Variants in PLK2 observed in about 807,000 individuals in gnomAD.
PLK2 encodes the protein serine/threonine-protein kinase PLK2.
A neutral mutation model predicts 78.1 loss-of-function variants in PLK2; 25 were observed. The ratio of observed to expected loss-of-function variants is 0.32; its 90% CI spans 0.23 to 0.45. The LOEUF (loss-of-function observed/expected upper bound fraction) is 0.45. Ranked by LOEUF, PLK2 falls within the 20% of genes least tolerant of loss-of-function variation. The pLI, the probability that PLK2 is intolerant of heterozygous loss-of-function variation, is 1.00. For missense variants in PLK2, 566 were observed against 840.2 expected, an observed-to-expected ratio of 0.67 and a Z score of 4.04; for synonymous variants, 332 against 298.2, an observed-to-expected ratio of 1.11 and a Z score of -1.17.
rs1743552061 is a variant in PLK2 at position 58,454,725 on chromosome 5, T to G, written c.1916A>C (p.Glu639Ala). 1 of 1,613,128 alleles carries G rather than the reference T, an allele frequency of 6.2e-7. No homozygotes were observed. Among genetic ancestry groups the G allele is most frequent in the African/African-American group, 1.3e-5 (1 of 75,038 alleles). The change falls in exon 14 of 14, where the codon GAA becomes GCA. Residue 639 changes from glutamate to alanine, a missense_variant. Physicochemically the swap from Glu to Ala is moderately radical, Grantham distance 107. Around this residue, in one of 5 missense-constraint regions of PLK2, gnomAD observed 130 missense variants for 196.4 expected, o/e 0.66. Transcript: ENST00000274289. The part of the protein sequence containing the change: ...HTKIIICSQN[E>A]EYLLTYINED... ...ATTGATGTAGGTGAGAAGGTATTCTTCATTTTGGCTACAGATGATGATTTT... is the reference window on the plus strand; with the variant it reads ...ATTGATGTAGGTGAGAAGGTATTCTGCATTTTGGCTACAGATGATGATTTT...
At chr5:58,456,300 T>C in intron 9 of PLK2, 145 bp from the exon 10 acceptor site, 1 of 832,150 alleles carries the variant, frequency 1.2e-6, no homozygotes, top group Non-Finnish European at 1.9e-6. Context: ...GATAACGCAG[T>C]AAACTCACTT....
chr5:58,458,600 A>G lies in PLK2; in HGVS notation c.496-72T>C, dbSNP rs967666234. 2.7e-6 allele frequency: 4 copies of G among 1,471,438 alleles called. No individual in the cohort carries two copies. The African/African-American group carries it at 5.6e-5, about 21-fold the overall frequency. 91.1% of individuals were successfully genotyped at this position (1,471,438 alleles called of 1,614,324 possible). On this transcript the variant is annotated intron_variant, in intron 3 of 13. Transcript: ENST00000274289. ...AAAATCACTGGTTTCCCTTTGCAGG[A>G]TGAGCAATGAAAGTTAACTTTGCAG... is the stretch of plus-strand genomic sequence containing the variant.
intron 8 of PLK2, 66 bp from the exon 9 acceptor site, chr5:58,456,655 A>G (rs1267200868): frequency 1.1e-5 from 11 of 1,038,640 alleles, no homozygotes; most frequent in Non-Finnish European, 1.6e-5. Flanking sequence ...AGGGTTAGTC[A>G]TATTTTCTCC....
At position 58,459,908 on chromosome 5, in the gene PLK2, A is replaced by G; in HGVS notation, c.52T>C (p.Cys18Arg). ...CAACCCTTGCCCAGCGCCTGCTCGC[A>G]CATTTTGGTGCTGGCGGCTGGCTGG... ...TYQPAASTKM[C>R]EQALGKGCGA... The change falls in exon 1 of 14, where the codon TGC becomes CGC. Residue 18 changes from cysteine to arginine, a missense_variant. Cys to Arg is a radical substitution (Grantham distance 180, BLOSUM62 -3). Transcript: ENST00000274289. The G allele has an allele frequency of 6.2e-7, 1 of 1,612,218 alleles. No homozygotes were observed. Among genetic ancestry groups the G allele is most frequent in the South Asian group, 1.1e-5 (1 of 91,038 alleles).
chr5:58,455,472 A>G (rs1200504935), intron 11 of PLK2, 58 bp from the exon 12 acceptor site: 27 of 1,610,918 alleles, frequency 1.7e-5, no homozygotes, highest in Middle Eastern at 1.6e-4. Context: ...GCAGTTAATC[A>G]TTGTTTTTAG....
intron 9 of PLK2, 160 bp downstream of exon 9, chr5:58,456,332 G>C (rs1465830290): frequency 1.0e-5 from 8 of 767,722 alleles, no homozygotes; most frequent in African/African-American, 1.8e-5. Flanking sequence ...AAAACTAAAA[G>C]ACTTCCTTTT....
rs1339458902 is a variant in PLK2, at chr5:58,457,166, A to G, written c.1008+15T>C. 6.2e-7 allele frequency: 1 copy of G among 1,611,522 alleles called. No homozygotes were observed. The highest frequency in any genetic ancestry group is 1.3e-5 in the African/African-American group (1 of 74,862). On this transcript the variant is annotated intron_variant, in intron 7 of 13. Transcript: ENST00000274289. ...TCAATACCAGGTAATTAAAAAAAAA[A>G]GATAGTGCACCAACCTGCAAAAAAA...
In PLK2 at chr5:58,458,850, A is replaced by G; in HGVS notation, c.379-9T>C. On this transcript the variant is annotated splice_polypyrimidine_tract_variant and intron_variant, in intron 2 of 13. Coordinates refer to ENST00000274289, the MANE Select transcript of PLK2 (RefSeq NM_006622.4). ...TCTATTTCTTTGTCAATCTAAATGA[A>G]AAAGCAAGGTAAGGCTTATTAGCTT... The G allele has an allele frequency of 6.5e-7, 1 of 1,533,812 alleles. No homozygotes were observed. The highest frequency in any genetic ancestry group is 9.0e-7 in the Non-Finnish European group (1 of 1,107,456).
In PLK2 at chr5:58,454,815, C is replaced by T. The variant is rs764960545; in HGVS notation, c.1867-41G>A. On this transcript the variant is annotated intron_variant, in intron 13 of 13. Coordinates refer to ENST00000274289, the MANE Select transcript of PLK2 (RefSeq NM_006622.4). ...TAGACATTAGATCTCTCAAAATATT[C>T]GAGAATTAGAAAAGTTCAGTCAATC... 30 of 1,525,338 alleles carry T rather than the reference C, an allele frequency of 2.0e-5. No individual in the cohort carries two copies. The South Asian group carries it at 2.6e-4, about 13-fold the overall frequency. The allele number at this position is 1,525,338 out of a possible 1,614,324, so 94.5% of individuals were successfully genotyped here. A position where few individuals can be genotyped will look rare whatever the true frequency, so the allele number is the denominator to read the frequency against.
At chr5:58,456,796 G>T in intron 8 of PLK2, 149 bp downstream of exon 8, 2 of 633,824 alleles carry the variant, frequency 3.2e-6, no homozygotes, top group Non-Finnish European at 2.7e-6. Context: ...CACAATTCAA[G>T]GTATGGATTT....
At chr5:58,459,454 T>C (rs1561217459) in intron 1 of PLK2, 2 of 568,638 alleles carry the variant, frequency 3.5e-6, no homozygotes, top group East Asian at 2.9e-5. Flanking sequence ...AGACTCAAGA[T>C]GCATTTCTCT....
intron 3 of PLK2, 90 bp downstream of exon 3, chr5:58,458,635 T>A: frequency 7.8e-7 from 1 of 1,285,300 alleles, no homozygotes; most frequent in Non-Finnish European, 1.1e-6. Context: ...GTGTAAGTGC[T>A]GCCACAGCTA....
rs756357174 is a variant in PLK2 at position 58,456,930 on chromosome 5, G to C, written c.1156+15C>G. On this transcript the variant is annotated intron_variant, in intron 8 of 13. Transcript: ENST00000274289. ...TATTGGGTACGAAAAAGGAAAAGAA[G>C]TCTTGTTAACTTACTATGTGTGTCA... The C allele has an allele frequency of 2.0e-6, 3 of 1,526,894 alleles. No individual in the cohort carries two copies. Among genetic ancestry groups the C allele is most frequent in the South Asian group, 2.5e-5 (2 of 81,626 alleles). 94.6% of individuals were successfully genotyped at this position (1,526,894 alleles called of 1,614,324 possible).
rs535887449 is a variant in PLK2 at position 58,454,075 on chromosome 5, T to C, written c.*508A>G. The C allele has an allele frequency of 2.6e-5, 4 of 152,832 alleles. No homozygotes were observed. Among genetic ancestry groups the C allele is most frequent in the Admixed American group, 2.0e-4 (3 of 15,306 alleles). 9.5% of individuals were successfully genotyped at this position (152,832 alleles called of 1,614,324 possible). On this transcript the variant is annotated 3_prime_UTR_variant, in exon 14 of 14. Coordinates refer to ENST00000274289, the MANE Select transcript of PLK2 (RefSeq NM_006622.4). ...ATAATAAATACTGCTCTTTGGGCTGTAATAAATAAAAAGTTTATTAACAAG... is the reference window on the plus strand; with the variant it reads ...ATAATAAATACTGCTCTTTGGGCTGCAATAAATAAAAAGTTTATTAACAAG...
At chr5:58,459,508 C>T (rs1282850711) in intron 1 of PLK2, 182 bp downstream of exon 1, 2 of 598,920 alleles carry the variant, frequency 3.3e-6, no homozygotes, top group Non-Finnish European at 5.9e-6. Flanking sequence ...AATGCAAAGC[C>T]GATCCCCAGC....
At position 58,454,977 on chromosome 5, in the gene PLK2, G is replaced by A. The variant is rs773539368; in HGVS notation, c.1800C>T (p.Leu600=). Residue 600 remains leucine, a synonymous_variant, in exon 13 of 14, where the codon CTC becomes CTT. Coordinates refer to ENST00000274289, the MANE Select transcript of PLK2 (RefSeq NM_006622.4). ...CAGATTTTAGCCACTGAAGGAGGTA[G>A]AGCCGAGGTCTTCGAATATCAGTAA... The part of the protein sequence containing the change: ...PSVTDIRRPR[L]YLLQWLKSDK... 1.3e-5 allele frequency: 21 copies of A among 1,613,204 alleles called. No homozygotes were observed. The highest frequency in any genetic ancestry group is 1.8e-5 in the Non-Finnish European group (21 of 1,179,164).
intron 5 of PLK2, 162 bp from the exon 6 acceptor site, chr5:58,457,745 TTGAGATC>T: frequency 3.3e-6 from 2 of 607,902 alleles, no homozygotes; most frequent in Non-Finnish European, 2.9e-6. Context: ...GAAAATTCAA[TTGAGATC>T]TGACCAAATG....
In PLK2 at chr5:58,455,401, A is replaced by G. The variant is rs1209051138; in HGVS notation, c.1639T>C (p.Tyr547His). ...LLPDKKTVHYYAELGQCSVFP... is the reference protein window; with the variant it reads ...LLPDKKTVHYHAELGQCSVFP... ...ACTGAGCATTGGCCAAGCTCTGCGTAATAGTGAACTGTTCTATAAAAACAG... is the reference window on the plus strand; with the variant it reads ...ACTGAGCATTGGCCAAGCTCTGCGTGATAGTGAACTGTTCTATAAAAACAG... Residue 547 changes from tyrosine (Y) to histidine (H), a missense_variant, in exon 12 of 14, where the codon TAC becomes CAC. By Grantham distance (83) the Tyr-to-His change is moderately conservative. Coordinates refer to ENST00000274289, the MANE Select transcript of PLK2 (RefSeq NM_006622.4). The G allele has an allele frequency of 1.2e-6, 2 of 1,614,168 alleles. No individual in the cohort carries two copies. Among genetic ancestry groups the G allele is most frequent in the South Asian group, 2.2e-5 (2 of 91,084 alleles).
At position 58,456,559 on chromosome 5, in the gene PLK2, T is replaced by C. The variant is rs1743609905; in HGVS notation, c.1187A>G (p.Tyr396Cys). 6 of 1,607,932 alleles carry C rather than the reference T, an allele frequency of 3.7e-6. No individual in the cohort carries two copies. The highest frequency in any genetic ancestry group is 4.5e-5 in the East Asian group (2 of 44,838). The change falls in exon 9 of 14, where the codon TAC (tyrosine) becomes TGC (cysteine). Residue 396 changes from tyrosine (Y) to cysteine (C), a missense_variant. Tyr to Cys is a radical substitution (Grantham distance 194). Coordinates refer to ENST00000274289, the MANE Select transcript of PLK2 (RefSeq NM_006622.4). The part of the protein sequence containing the change: ...NRVSKEDEDI[Y>C]KLRHDLKKTS... ...CTTTTTCAAATCATGCCTAAGCTTG[T>C]AGATGTCTTCATCTTCTTTAGACAC...
Sources: gnomAD v4.1 joint callset for allele counts on GRCh38, gnomAD v4.1.1 for gene constraint, gnomAD v4.1.1 regional missense constraint, MANE v1.5 for transcripts, NCBI Gene and HGNC (gene_info 2026-07-23, HGNC 2026-07-21) for gene names.